The following KCNH1 variants were observed in gnomAD, a reference collection of about 807,000 sequenced individuals.
KCNH1 encodes the protein potassium voltage-gated channel subfamily H member 1, also known as voltage-gated delayed rectifier potassium channel KCNH1.
In KCNH1, 27 loss-of-function variants were observed where a neutral mutation model predicts 69.2. The observed-to-expected ratio is 0.39, with a 90% CI of 0.29 to 0.54. KCNH1 has a LOEUF of 0.54. Ranked by LOEUF, KCNH1 falls within the 20% of genes least tolerant of loss-of-function variation. The probability of loss-of-function intolerance (pLI) is 0.68; values close to 1 mark genes in which losing one functional copy is unlikely to be tolerated. For synonymous variants in KCNH1, 456 were observed against 487.7 expected, an observed-to-expected ratio of 0.93 and a Z score of 0.86; for missense variants, 798 against 1,261.6, an observed-to-expected ratio of 0.63 and a Z score of 5.57.
chr1:210,699,505 A>C (rs1167531847), intron 10 of KCNH1, among the ~76,000 whole-genome samples: 1 of 152,206 alleles, frequency 6.6e-6, no homozygotes, highest in African/African-American at 2.4e-5. Context: ...TCTCAGGCCT[A>C]GGTAGGTGGA....
At chr1:210,847,021 C>T (rs956858272) in intron 7 of KCNH1, among the ~76,000 whole-genome samples, 13 of 152,160 alleles carry the variant, frequency 8.5e-5, no homozygotes, top group Non-Finnish European at 1.5e-5. Flanking sequence ...AAATCAAAAC[C>T]ACAATGAGAT....
At chr1:210,788,213 C>A (rs1372419171) in intron 9 of KCNH1, among the ~76,000 whole-genome samples, 1 of 152,100 alleles carries the variant, frequency 6.6e-6, no homozygotes, top group African/African-American at 2.4e-5. Context: ...ATAAAAATTA[C>A]AAATAAGTCT....
intron 5 of KCNH1, among the ~76,000 whole-genome samples, chr1:211,038,123 C>G (rs750038946): frequency 5.3e-5 from 8 of 152,008 alleles, no homozygotes; most frequent in Non-Finnish European, 1.0e-4. Context: ...CCACGCCTGG[C>G]TAAATTTTTT....
At chr1:210,791,666 A>G (rs1684215348) in intron 9 of KCNH1, among the ~76,000 whole-genome samples, 1 of 152,184 alleles carries the variant, frequency 6.6e-6, no homozygotes, top group African/African-American at 2.4e-5. Context: ...AGAAAAAGGT[A>G]CCCACGTTAC....
At chr1:210,945,792 TC>T (rs761216931) in intron 6 of KCNH1, among the ~76,000 whole-genome samples, 1 of 152,190 alleles carries the variant, frequency 6.6e-6, no homozygotes, top group Non-Finnish European at 1.5e-5. Context: ...CACCCAATTG[TC>T]CTCACTCATC....
chr1:211,095,271 C>T (rs764798627), intron 3 of KCNH1, among the ~76,000 whole-genome samples: 3 of 152,148 alleles, frequency 2.0e-5, no homozygotes, highest in Admixed American at 6.5e-5. Flanking sequence ...AAAAGGACAA[C>T]GGGTCAATGT....
At chr1:211,118,237 T>C (rs904410130) in intron 1 of KCNH1, among the ~76,000 whole-genome samples, 2 of 152,210 alleles carry the variant, frequency 1.3e-5, no homozygotes, top group Admixed American at 6.5e-5. Context: ...CACACACGTA[T>C]GTGTATATAT....
At chr1:210,945,981 C>T (rs1248962223) in intron 6 of KCNH1, among the ~76,000 whole-genome samples, 1 of 152,232 alleles carries the variant, frequency 6.6e-6, no homozygotes, top group African/African-American at 2.4e-5. Flanking sequence ...AATGTACACA[C>T]TGTCTTGGCA....
Position 210,919,585 on chromosome 1 carries a change from T to C in KCNH1, c.1462+55A>G. 2 of 1,482,006 alleles carry C rather than the reference T, an allele frequency of 1.3e-6. No individual in the cohort carries two copies. The highest frequency in any genetic ancestry group is 2.3e-5 in the East Asian group (1 of 44,008). 91.8% of individuals were successfully genotyped at this position (1,482,006 alleles called of 1,614,324 possible). A position where few individuals can be genotyped will look rare whatever the true frequency, so the allele number is the denominator to read the frequency against. On this transcript the variant is annotated intron_variant, in intron 7 of 10. Transcript: ENST00000271751. This position sits in a 1 kb window ranked among gnomAD's most constrained non-coding sequence, Gnocchi z 4.2. Reference sequence around the variant, plus strand: ...CCTGCTGGCACTGTAGCCATTTCCCTGTTTCCAGCTAACAGAAGAGATGGC... The same window carrying C: ...CCTGCTGGCACTGTAGCCATTTCCCCGTTTCCAGCTAACAGAAGAGATGGC...
intron 3 of KCNH1, among the ~76,000 whole-genome samples, chr1:211,100,595 C>T (rs1691239747): frequency 6.6e-6 from 1 of 152,232 alleles, no homozygotes; most frequent in Non-Finnish European, 1.5e-5. Context: ...AAATGATCCA[C>T]CCACCTCGGC....
intron 6 of KCNH1, among the ~76,000 whole-genome samples, chr1:210,987,497 T>C (rs933790355): frequency 6.6e-6 from 1 of 152,212 alleles, no homozygotes; most frequent in African/African-American, 2.4e-5. Flanking sequence ...GTTTTCCTTC[T>C]AACAGTCAGG....
intron 6 of KCNH1, among the ~76,000 whole-genome samples, chr1:211,018,194 T>C (rs779077607): frequency 2.0e-5 from 3 of 152,138 alleles, no homozygotes; most frequent in African/African-American, 7.2e-5. Context: ...TATTTCTCTA[T>C]AGCAACACAA....
intron 7 of KCNH1, among the ~76,000 whole-genome samples, chr1:210,828,058 G>C (rs991640772): frequency 6.6e-5 from 10 of 152,084 alleles, no homozygotes; most frequent in African/African-American, 2.4e-4. Context: ...GGCCAGGCTG[G>C]TCTTGAACTC....
intron 6 of KCNH1, among the ~76,000 whole-genome samples, chr1:211,011,581 T>C (rs1202902698): frequency 6.6e-6 from 1 of 152,226 alleles, no homozygotes; most frequent in Non-Finnish European, 1.5e-5. Flanking sequence ...GTTGAACTCT[T>C]GCATTGCCTC....
intron 5 of KCNH1, among the ~76,000 whole-genome samples, chr1:211,047,049 G>A (rs1571605127): frequency 1.3e-5 from 2 of 152,074 alleles, no homozygotes; most frequent in African/African-American, 4.8e-5. Context: ...ATTTCAACAG[G>A]TAATCAATAT....
At chr1:210,739,227 T>G (rs1312150828) in intron 10 of KCNH1, among the ~76,000 whole-genome samples, 1 of 152,176 alleles carries the variant, frequency 6.6e-6, no homozygotes, top group Non-Finnish European at 1.5e-5. Flanking sequence ...GAAAAGGAAA[T>G]GGAAGCCCAA....
chr1:210,864,300 G>A (rs994809028), intron 7 of KCNH1, among the ~76,000 whole-genome samples: 9 of 152,206 alleles, frequency 5.9e-5, no homozygotes, highest in African/African-American at 1.9e-4. Context: ...TGTGGGGAAT[G>A]AGGAGCAGCT....
intron 4 of KCNH1, among the ~76,000 whole-genome samples, chr1:211,089,718 C>T (rs980668842): frequency 1.3e-5 from 2 of 152,236 alleles, no homozygotes; most frequent in Non-Finnish European, 2.9e-5. Context: ...AGGTCTCCAG[C>T]AGAGCTGAAA....
intron 1 of KCNH1, among the ~76,000 whole-genome samples, chr1:211,114,952 TTTTG>T (rs1326966012): frequency 1.3e-5 from 2 of 151,884 alleles, no homozygotes; most frequent in Non-Finnish European, 2.9e-5. Flanking sequence ...GGAGTTGGTT[TTTTG>T]TTTGTTTGTT....
Sources: gnomAD v4.1 joint callset for allele counts (sites outside exome capture counted in the v4.1 genomes callset) on GRCh38, gnomAD v4.1.1 for gene constraint, Gnocchi (gnomAD v3.1) non-coding constraint, MANE v1.5 for transcripts, NCBI Gene and HGNC (gene_info 2026-07-23, HGNC 2026-07-21) for gene names.